Variants in TTLL7 observed in about 807,000 individuals in gnomAD.
The protein encoded by TTLL7 is tubulin tyrosine ligase like 7.
In TTLL7, 53 loss-of-function variants were observed where a neutral mutation model predicts 120.2. The ratio of observed to expected loss-of-function variants is 0.44; its 90% CI spans 0.35 to 0.55. The LOEUF (loss-of-function observed/expected upper bound fraction) is 0.55. Ranked by LOEUF, TTLL7 falls within the 20% of genes least tolerant of loss-of-function variation. TTLL7 has a pLI of 0.00. For synonymous variants in TTLL7, 353 were observed against 351.7 expected (o/e 1.00, Z -0.04); for missense variants, 803 against 1,054.7 (o/e 0.76, Z 3.31).
intron 1 of TTLL7, among the ~76,000 whole-genome samples, chr1:83,991,799 G>T (rs1394878250): frequency 2.0e-5 from 3 of 152,060 alleles, no homozygotes; most frequent in Non-Finnish European, 4.4e-5. Flanking sequence ...TTTACTTGGA[G>T]ATCTAAATCA....
At chr1:83,978,404 C>T (rs1418935891) in intron 1 of TTLL7, among the ~76,000 whole-genome samples, 1 of 152,026 alleles carries the variant, frequency 6.6e-6, no homozygotes, top group Admixed American at 6.5e-5. Context: ...CTATCCAAAG[C>T]TCAAATGAGA....
intron 1 of TTLL7, among the ~76,000 whole-genome samples, chr1:83,976,079 G>A (rs1651457405): frequency 7.0e-6 from 1 of 142,318 alleles, no homozygotes; most frequent in African/African-American, 2.6e-5. Flanking sequence ...GTGTGTGTCT[G>A]TGTGTGTACT....
At chr1:83,892,493 T>TATGAACATATGA (rs1459786636) in intron 18 of TTLL7, among the ~76,000 whole-genome samples, 2 of 114,648 alleles carry the variant, frequency 1.7e-5, no homozygotes, top group Non-Finnish European at 3.8e-5. Flanking sequence ...TGAACATATA[T>TATGAACATATGA]ATGAACATAT....
At chr1:83,885,468 A>G (rs1654895594) in intron 19 of TTLL7, among the ~76,000 whole-genome samples, 1 of 152,022 alleles carries the variant, frequency 6.6e-6, no homozygotes, top group South Asian at 2.1e-4. Flanking sequence ...TATGTGAGTT[A>G]TAATATGGCC....
intron 1 of TTLL7, among the ~76,000 whole-genome samples, chr1:83,982,767 C>T (rs945863698): frequency 3.3e-5 from 5 of 152,092 alleles, no homozygotes; most frequent in Non-Finnish European, 7.4e-5. Flanking sequence ...TATCAAAATA[C>T]CAATGTTATT....
At chr1:83,870,449 G>C (rs1182589108) in intron 20 of TTLL7, among the ~76,000 whole-genome samples, 1 of 152,168 alleles carries the variant, frequency 6.6e-6, no homozygotes, top group African/African-American at 2.4e-5. Context: ...CACATTAACA[G>C]TAATTGTTTG....
At chr1:83,979,087 CACAA>C (rs1181611731) in intron 1 of TTLL7, 1 of 152,212 alleles carries the variant, frequency 6.6e-6, no homozygotes, top group African/African-American at 2.4e-5. Context: ...CCCAACGTTA[CACAA>C]ACAACCAGTT....
In TTLL7 at chr1:83,919,694, C is replaced by G. The variant is rs777496735; in HGVS notation, c.1500+5G>C. On this transcript the variant is annotated splice_donor_5th_base_variant and intron_variant, in intron 13 of 20. Coordinates refer to ENST00000260505, the MANE Select transcript of TTLL7 (RefSeq NM_024686.6). The stretch of plus-strand genomic sequence containing the variant: ...TTTTCTCTATATAAACATTCATTCT[C>G]TTACCTTCATCCTTTTCAAAGGATT... 1.2e-6 allele frequency: 2 copies of G among 1,608,072 alleles called. No individual in the cohort carries two copies. Among genetic ancestry groups the G allele is most frequent in the East Asian group, 4.5e-5 (2 of 44,716 alleles).
intron 18 of TTLL7, chr1:83,900,215 A>G (rs746692014): frequency 9.4e-6 from 4 of 424,608 alleles, no homozygotes; most frequent in Non-Finnish European, 1.9e-5. Flanking sequence ...AAGACTACAG[A>G]AAGAAGCAGC....
chr1:83,973,263 G>T (rs184167923), intron 1 of TTLL7, among the ~76,000 whole-genome samples: 1 of 152,036 alleles, frequency 6.6e-6, no homozygotes, highest in African/African-American at 2.4e-5. Flanking sequence ...TGTAAAGCCT[G>T]TGTATAAATT....
At chr1:83,880,898 G>A (rs1654389381) in intron 20 of TTLL7, among the ~76,000 whole-genome samples, 1 of 152,002 alleles carries the variant, frequency 6.6e-6, no homozygotes. Context: ...CAGAGATATA[G>A]ATCAATGGAA....
At chr1:83,989,660 A>G (rs941721063) in intron 1 of TTLL7, among the ~76,000 whole-genome samples, 1 of 152,166 alleles carries the variant, frequency 6.6e-6, no homozygotes, top group East Asian at 1.9e-4. Flanking sequence ...TTGGTTCCCT[A>G]TGAATTTTCA....
intron 20 of TTLL7, 34 bp downstream of exon 20, chr1:83,882,929 A>G: frequency 1.3e-6 from 2 of 1,592,498 alleles, no homozygotes; most frequent in Non-Finnish European, 1.7e-6. Context: ...ACTTTACATA[A>G]AACTCTCAAG....
intron 20 of TTLL7, among the ~76,000 whole-genome samples, chr1:83,872,894 G>A (rs953612351): frequency 2.0e-5 from 3 of 152,120 alleles, no homozygotes; most frequent in African/African-American, 7.2e-5. Context: ...GAAGCATACA[G>A]GGGTCAAATG....
At chr1:83,879,826 G>A (rs1309807920) in intron 20 of TTLL7, 3 of 151,856 alleles carry the variant, frequency 2.0e-5, no homozygotes, top group Non-Finnish European at 4.4e-5. Flanking sequence ...AAGATTCCGT[G>A]GTCGGAAATC....
At chr1:83,920,970 G>C in intron 12 of TTLL7, 117 bp downstream of exon 12, 2 of 1,100,716 alleles carry the variant, frequency 1.8e-6, no homozygotes, top group Non-Finnish European at 2.6e-6. Context: ...TAAGCAAAAA[G>C]CACTTGCTTG....
At chr1:83,899,756 CAA>C (rs112388570) in intron 18 of TTLL7, among the ~76,000 whole-genome samples, 1 of 149,782 alleles carries the variant, frequency 6.7e-6, no homozygotes, top group Non-Finnish European at 1.5e-5. Context: ...CAAAGGAGCT[CAA>C]AAAAAAAGAG....
chr1:83,990,162 G>C (rs572377301), intron 1 of TTLL7, among the ~76,000 whole-genome samples: 142 of 143,876 alleles, frequency 9.9e-4, no homozygotes, highest in Middle Eastern at 7.2e-3. Flanking sequence ...TTCTTATTTG[G>C]ATGCCTTTTT....
chr1:83,972,631 A>C (rs1208147253), intron 1 of TTLL7, among the ~76,000 whole-genome samples: 5 of 152,112 alleles, frequency 3.3e-5, no homozygotes, highest in African/African-American at 4.8e-5. Context: ...TAGCTGGATC[A>C]CATGGTATGA....
Sources: allele counts gnomAD v4.1 joint callset (sites outside exome capture counted in the v4.1 genomes callset), GRCh38; gene constraint gnomAD v4.1.1; transcripts MANE v1.5; gene names NCBI Gene and HGNC (gene_info 2026-07-23, HGNC 2026-07-21).